Variants in LYPLAL1 observed in about 807,000 individuals in gnomAD.
LYPLAL1 encodes the protein lysophospholipase like 1.
In LYPLAL1, 23 loss-of-function variants were observed where a neutral mutation model predicts 19.7. The observed-to-expected ratio is 1.17, with a 90% confidence interval of 0.84 to 1.65. The LOEUF (loss-of-function observed/expected upper bound fraction) is 1.65, where lower values mean the gene tolerates loss of function less well. Ranked by LOEUF, LYPLAL1 falls within the 40% of genes most tolerant of loss-of-function variation. LYPLAL1 has a pLI of 0.00. For synonymous variants in LYPLAL1, 119 were observed against 96.3 expected (o/e 1.24, Z -1.38); for missense variants, 355 against 279.4 (o/e 1.27, Z -1.93).
the LYPLAL1 span, among the ~76,000 whole-genome samples, chr1:219,373,876 AAAAAAC>A: frequency 6.4e-5 from 1 of 15,646 alleles, no homozygotes; most frequent in Non-Finnish European, 1.7e-4. Context: ...AAAAAAAAAA[AAAAAAC>A]AAAAAAAAAA....
the LYPLAL1 span, among the ~76,000 whole-genome samples, chr1:219,363,326 T>C: frequency 2.0e-5 from 3 of 152,172 alleles, no homozygotes; most frequent in Admixed American, 6.5e-5. Flanking sequence ...TAGTAAACAC[T>C]AGATTTTGAA....
At chr1:219,303,783 A>T in the LYPLAL1 span, among the ~76,000 whole-genome samples, 1 of 152,202 alleles carries the variant, frequency 6.6e-6, no homozygotes, top group South Asian at 2.1e-4. Context: ...AATGGTCAAA[A>T]ATTAGATGGC....
the LYPLAL1 span, chr1:219,410,132 CA>C: frequency 5.9e-5 from 9 of 152,164 alleles, no homozygotes; most frequent in African/African-American, 2.2e-4. Flanking sequence ...AGAAGGCTCA[CA>C]TTGGAAAAAG....
downstream of LYPLAL1, among the ~76,000 whole-genome samples, chr1:219,215,072 C>A (rs759628776): frequency 5.9e-5 from 9 of 152,052 alleles, no homozygotes; most frequent in Non-Finnish European, 1.3e-4. Flanking sequence ...TCTGGTGCTC[C>A]TCAATTTTTT....
the LYPLAL1 span, among the ~76,000 whole-genome samples, chr1:219,238,014 T>G: frequency 6.6e-6 from 1 of 152,210 alleles, no homozygotes; most frequent in Non-Finnish European, 1.5e-5. Context: ...ACTTTGCAAT[T>G]ATTGCATGGC....
chr1:219,218,667 T>A, the LYPLAL1 span, among the ~76,000 whole-genome samples: 2 of 152,098 alleles, frequency 1.3e-5, no homozygotes, highest in Non-Finnish European at 2.9e-5. Flanking sequence ...GACAGCCGAT[T>A]CACCAGCCTT....
At chr1:219,227,691 T>C in the LYPLAL1 span, among the ~76,000 whole-genome samples, 3 of 152,202 alleles carry the variant, frequency 2.0e-5, no homozygotes, top group African/African-American at 7.2e-5. Context: ...AAATTTAATC[T>C]TAGGATTTTA....
chr1:219,326,264 A>G, the LYPLAL1 span, among the ~76,000 whole-genome samples: 1 of 100,174 alleles, frequency 1.0e-5, no homozygotes, highest in Non-Finnish European at 1.8e-5. Context: ...TGAAATTTCC[A>G]TTTTGTTAGT....
downstream of LYPLAL1, among the ~76,000 whole-genome samples, chr1:219,216,827 C>T (rs1659307130): frequency 6.8e-6 from 1 of 147,028 alleles, no homozygotes; most frequent in Non-Finnish European, 1.5e-5. Flanking sequence ...AAAACTGATA[C>T]AGACAGTAAG....
chr1:219,431,139 C>T, the LYPLAL1 span, among the ~76,000 whole-genome samples: 1 of 152,124 alleles, frequency 6.6e-6, no homozygotes, highest in African/African-American at 2.4e-5. Context: ...AGAAAGACTG[C>T]AATGGAGAAT....
chr1:219,230,923 C>T, the LYPLAL1 span, among the ~76,000 whole-genome samples: 1 of 152,134 alleles, frequency 6.6e-6, no homozygotes, highest in Non-Finnish European at 1.5e-5. Context: ...TCACAGAATC[C>T]CACTTGACCA....
the LYPLAL1 span, among the ~76,000 whole-genome samples, chr1:219,394,886 G>A: frequency 1.5e-3 from 224 of 152,212 alleles, 1 homozygote; most frequent in African/African-American, 5.1e-3. Context: ...TGTGGTATTC[G>A]ACTTTCTGTT....
At chr1:219,214,983 C>T (rs1018741720), downstream of LYPLAL1, among the ~76,000 whole-genome samples, 2 of 152,092 alleles carry the variant, frequency 1.3e-5, no homozygotes, top group South Asian at 4.1e-4. Context: ...AGCCACTGCA[C>T]CTGACCCAGG....
chr1:219,349,641 G>C, the LYPLAL1 span, among the ~76,000 whole-genome samples: 88 of 152,320 alleles, frequency 5.8e-4, no homozygotes, highest in African/African-American at 1.9e-3. Context: ...ATGTTTGTGT[G>C]TATGTGCTTG....
chr1:219,373,889 A>C, the LYPLAL1 span, among the ~76,000 whole-genome samples: 3 of 151,058 alleles, frequency 2.0e-5, no homozygotes, highest in Non-Finnish European at 3.0e-5. Flanking sequence ...AAACAAAAAA[A>C]AAAACACAAA....
chr1:219,411,426 G>T, the LYPLAL1 span, among the ~76,000 whole-genome samples: 2 of 152,084 alleles, frequency 1.3e-5, no homozygotes, highest in Admixed American at 1.3e-4. Flanking sequence ...CCTGTGTGTG[G>T]AAACTCTGTA....
At chr1:219,443,007 A>G in the LYPLAL1 span, among the ~76,000 whole-genome samples, 3 of 152,106 alleles carry the variant, frequency 2.0e-5, no homozygotes, top group East Asian at 5.8e-4. Flanking sequence ...TCCTGTCTGC[A>G]GAAAAGCCTA....
At chr1:219,339,488 C>CA in the LYPLAL1 span, among the ~76,000 whole-genome samples, 2 of 151,920 alleles carry the variant, frequency 1.3e-5, no homozygotes, top group African/African-American at 4.8e-5. Context: ...TTTTTAAAAA[C>CA]AAAAAACTTT....
the LYPLAL1 span, among the ~76,000 whole-genome samples, chr1:219,270,078 T>C: frequency 6.6e-6 from 1 of 152,234 alleles, no homozygotes; most frequent in East Asian, 1.9e-4. Flanking sequence ...GGCTAGATTC[T>C]GGCTGCCCTC....
Sources: allele counts gnomAD v4.1 joint callset (sites outside exome capture counted in the v4.1 genomes callset), GRCh38; gene constraint gnomAD v4.1.1; transcripts MANE v1.5; gene names NCBI Gene and HGNC (gene_info 2026-07-23, HGNC 2026-07-21).